S100Z: variants seen among roughly 807,000 people sequenced by gnomAD.
The protein encoded by S100Z is protein S100-Z.
S100Z carries 11 observed loss-of-function variants against 8.5 expected under a neutral mutation model. The observed-to-expected ratio is 1.30, with a 90% confidence interval of 0.82 to 2.15. The LOEUF (loss-of-function observed/expected upper bound fraction) is 2.15. Ranked by LOEUF, S100Z falls within the 30% of genes most tolerant of loss-of-function variation. The pLI, the probability that S100Z is intolerant of heterozygous loss-of-function variation, is 0.00. For missense variants in S100Z, 126 were observed against 117.9 expected, an observed-to-expected ratio of 1.07 and a Z score of -0.32; for synonymous variants, 34 against 43.8, an observed-to-expected ratio of 0.78 and a Z score of 0.89.
At chr5:76,885,182 T>C (rs1743557946) in intron 4 of S100Z, among the ~76,000 whole-genome samples, 1 of 152,158 alleles carries the variant, frequency 6.6e-6, no homozygotes, top group South Asian at 2.1e-4. Flanking sequence ...TTTTAAGTTC[T>C]TGAGGACACA....
rs77926534 is a variant in S100Z, at chr5:76,851,915, C to A, written c.-176+1760C>A. 3.3e-5 allele frequency among the ~76,000 whole-genome samples: 5 copies of A among 152,284 alleles called. No individual in the cohort carries two copies. In the East Asian group the frequency reaches 9.7e-4, roughly 29 times the overall value. On this transcript the variant is annotated intron_variant, in intron 1 of 4. Coordinates refer to ENST00000317593, the MANE Select transcript of S100Z (RefSeq NM_130772.4). ...GCAGAAAGCAGAAGTCACAAGCTGG[C>A]CAGCATTCGCTGAATTTCCTGTTTG...
At chr5:76,912,782 C>CAT (rs1219986262) in intron 4 of S100Z, among the ~76,000 whole-genome samples, 1 of 151,734 alleles carries the variant, frequency 6.6e-6, no homozygotes, top group Non-Finnish European at 1.5e-5. Flanking sequence ...AGAACAGCAG[C>CAT]ATAAGTGGCT....
chr5:76,910,498 A>G (rs1744612696), intron 4 of S100Z, among the ~76,000 whole-genome samples: 1 of 152,224 alleles, frequency 6.6e-6, no homozygotes, highest in Non-Finnish European at 1.5e-5. Context: ...GAGCAGGCCA[A>G]TCACCCGGGA....
At chr5:76,879,091 G>A (rs1415748374) in intron 4 of S100Z, among the ~76,000 whole-genome samples, 3 of 152,174 alleles carry the variant, frequency 2.0e-5, no homozygotes, top group African/African-American at 7.2e-5. Context: ...GAGACAAGCA[G>A]AAGGCTACTG....
intron 1 of S100Z, among the ~76,000 whole-genome samples, chr5:76,864,014 A>G (rs1579997632): frequency 6.6e-6 from 1 of 152,248 alleles, no homozygotes; most frequent in African/African-American, 2.4e-5. Context: ...TAAATACTGT[A>G]TTATTACAAT....
intron 4 of S100Z, among the ~76,000 whole-genome samples, chr5:76,909,245 A>G (rs1744564124): frequency 6.6e-6 from 1 of 152,150 alleles, no homozygotes; most frequent in Admixed American, 6.5e-5. Context: ...ACACTCAGGC[A>G]TCAACAGGCT....
intron 4 of S100Z, among the ~76,000 whole-genome samples, chr5:76,882,955 A>G (rs777524529): frequency 2.6e-5 from 4 of 152,210 alleles, no homozygotes; most frequent in Non-Finnish European, 5.9e-5. Context: ...TGGGGTGGAT[A>G]GGCAAGACAA....
intron 4 of S100Z, among the ~76,000 whole-genome samples, chr5:76,880,243 T>G (rs1056075540): frequency 2.0e-5 from 3 of 152,242 alleles, no homozygotes; most frequent in Non-Finnish European, 4.4e-5. Context: ...TCACTTCTTT[T>G]GTGGATCTTC....
chr5:76,917,509 T>C (rs1272787974), intron 4 of S100Z, among the ~76,000 whole-genome samples: 3 of 152,176 alleles, frequency 2.0e-5, no homozygotes, highest in Non-Finnish European at 4.4e-5. Flanking sequence ...GCTATATGGT[T>C]TTCCAGAGGG....
chr5:76,869,276 T>C (rs966909038), intron 1 of S100Z, among the ~76,000 whole-genome samples: 1 of 150,842 alleles, frequency 6.6e-6, no homozygotes, highest in Non-Finnish European at 1.5e-5. Context: ...GAATGTATGG[T>C]AAGTGCAATG....
intron 4 of S100Z, among the ~76,000 whole-genome samples, chr5:76,911,593 T>C (rs56368625): frequency 0.053 from 8,035 of 152,254 alleles, 603 homozygotes; most frequent in African/African-American, 0.15. Flanking sequence ...ATCTAGGCCA[T>C]TTCTCAAGTC....
chr5:76,931,758 A>G, the S100Z span, among the ~76,000 whole-genome samples: 2 of 152,136 alleles, frequency 1.3e-5, no homozygotes, highest in Non-Finnish European at 2.9e-5. Context: ...TAAGAACAAG[A>G]TGAGATCACT....
intron 4 of S100Z, among the ~76,000 whole-genome samples, chr5:76,884,768 A>G (rs530432012): frequency 1.3e-5 from 2 of 152,264 alleles, no homozygotes; most frequent in South Asian, 2.1e-4. Flanking sequence ...GTGCGGAAGC[A>G]GAGGCTGAGG....
intron 4 of S100Z, among the ~76,000 whole-genome samples, chr5:76,919,597 T>A (rs1332669193): frequency 2.2e-5 from 3 of 139,150 alleles, no homozygotes; most frequent in Non-Finnish European, 4.6e-5. Flanking sequence ...TCTCCCTCTC[T>A]TTCTTTTTCT....
chr5:76,880,773 T>A (rs1743377739), intron 4 of S100Z, among the ~76,000 whole-genome samples: 1 of 152,214 alleles, frequency 6.6e-6, no homozygotes, highest in African/African-American at 2.4e-5. Context: ...TGAGTTTTTT[T>A]ATGTTGTCAT....
At chr5:76,912,056 G>C (rs1048361232) in intron 4 of S100Z, among the ~76,000 whole-genome samples, 4 of 150,190 alleles carry the variant, frequency 2.7e-5, no homozygotes, top group Middle Eastern at 6.8e-3. Flanking sequence ...GTAGCAAAAG[G>C]CTGGCCTCAC....
chr5:76,938,081 G>A, the S100Z span, among the ~76,000 whole-genome samples: 7 of 148,986 alleles, frequency 4.7e-5, no homozygotes, highest in African/African-American at 7.4e-5. Context: ...GCAACAGTAT[G>A]AGACTCTGTC....
chr5:76,882,649 G>A (rs1449033207), intron 4 of S100Z, among the ~76,000 whole-genome samples: 1 of 152,146 alleles, frequency 6.6e-6, no homozygotes, highest in African/African-American at 2.4e-5. Context: ...GATCAGCAGG[G>A]AGAGCATGTG....
chr5:76,881,436 G>C (rs553709044), intron 4 of S100Z, among the ~76,000 whole-genome samples: 1 of 152,174 alleles, frequency 6.6e-6, no homozygotes, highest in African/African-American at 2.4e-5. Context: ...CCAGTCCTGG[G>C]CGGGGGCAAA....
Sources: gnomAD v4.1 joint callset for allele counts (sites outside exome capture counted in the v4.1 genomes callset) on GRCh38, gnomAD v4.1.1 for gene constraint, MANE v1.5 for transcripts, NCBI Gene and HGNC (gene_info 2026-07-23, HGNC 2026-07-21) for gene names.